Variants in ERLIN2 observed in about 807,000 individuals in gnomAD.
The protein encoded by ERLIN2 is erlin-2.
Under a neutral mutation model 41.5 loss-of-function variants are expected in ERLIN2, and 22 were observed. That is an observed-to-expected ratio of 0.53 (90% CI 0.38 to 0.76). The LOEUF is 0.76. Ranked by LOEUF, ERLIN2 falls within the 30% of genes least tolerant of loss-of-function variation. The pLI is 0.00. For synonymous variants in ERLIN2, 149 were observed against 150.9 expected, an observed-to-expected ratio of 0.99 and a Z score of 0.09; for missense variants, 247 against 414.3, an observed-to-expected ratio of 0.60 and a Z score of 3.51.
intron 6 of ERLIN2, among the ~76,000 whole-genome samples, chr8:37,747,136 A>T (rs112880623): frequency 2.7e-5 from 4 of 147,612 alleles, no homozygotes; most frequent in African/African-American, 1.0e-4. Context: ...CAGAAAAAAA[A>T]TTAGAGAAAA....
chr8:37,747,604 T>A, intron 6 of ERLIN2: 1 of 1,611,916 alleles, frequency 6.2e-7, no homozygotes, highest in Non-Finnish European at 8.5e-7. Context: ...CTCTTGTTTC[T>A]GAGTATATAT....
chr8:37,740,965 T>C (rs755031260), intron 3 of ERLIN2, among the ~76,000 whole-genome samples: 1 of 152,220 alleles, frequency 6.6e-6, no homozygotes. Flanking sequence ...TTTTACACTT[T>C]ACACTGACCC....
Position 37,738,030 on chromosome 8 carries a change from G to A in ERLIN2, c.107+1G>A, listed in dbSNP as rs371427544. 1 of 1,613,996 alleles carries A rather than the reference G, an allele frequency of 6.2e-7. No individual in the cohort carries two copies. The highest frequency in any genetic ancestry group is 8.5e-7 in the Non-Finnish European group (1 of 1,179,978). On this transcript the variant is annotated splice_donor_variant, in intron 2 of 11. Coordinates refer to ENST00000519638, the MANE Select transcript of ERLIN2 (RefSeq NM_007175.8). LOFTEE classifies it high-confidence loss of function. ...AGGGACATATTGGGGTATATTACAG[G>A]TAAGGCAGAGACAGGGAGAAGCCGG...
At chr8:37,743,866 T>A (rs1006298860) in intron 4 of ERLIN2, among the ~76,000 whole-genome samples, 6 of 152,200 alleles carry the variant, frequency 3.9e-5, no homozygotes, top group Non-Finnish European at 8.8e-5. Flanking sequence ...TGGATATGGA[T>A]GTTAGTTATA....
chr8:37,754,471 C>T lies in ERLIN2; in HGVS notation c.*356C>T, dbSNP rs1291934650. On this transcript the variant is annotated 3_prime_UTR_variant, in exon 12 of 12. Coordinates refer to ENST00000519638, the MANE Select transcript of ERLIN2 (RefSeq NM_007175.8). Reference sequence around the variant, plus strand: ...GTTACCTCCAACTCATTTGATTTCCCTTACTTGGGAAAATGCAGTCCAGTG... The same window carrying T: ...GTTACCTCCAACTCATTTGATTTCCTTTACTTGGGAAAATGCAGTCCAGTG... 2 of 341,440 alleles carry T rather than the reference C, an allele frequency of 5.9e-6. No individual in the cohort carries two copies. Among genetic ancestry groups the T allele is most frequent in the Non-Finnish European group, 1.1e-5 (2 of 175,908 alleles). 21.2% of individuals were successfully genotyped at this position (341,440 alleles called of 1,614,324 possible). A position where few individuals can be genotyped will look rare whatever the true frequency, so the allele number is the denominator to read the frequency against.
chr8:37,753,694 C>A (rs546644206), intron 11 of ERLIN2, among the ~76,000 whole-genome samples, 165 bp downstream of exon 11: 1 of 152,182 alleles, frequency 6.6e-6, no homozygotes, highest in African/African-American at 2.4e-5. Context: ...CTTGGACATG[C>A]CTTGATAGAA....
intron 6 of ERLIN2, 132 bp downstream of exon 6, chr8:37,744,828 G>T: frequency 1.0e-6 from 1 of 989,654 alleles, no homozygotes. Context: ...AAAGAATCTT[G>T]TGCTCAGGAG....
chr8:37,753,390 T>C lies in ERLIN2; in HGVS notation c.740-60T>C. 11 of 1,431,224 alleles carry C rather than the reference T, an allele frequency of 7.7e-6. No individual in the cohort carries two copies. In the South Asian group the frequency reaches 1.0e-4, roughly 14 times the overall value. 88.7% of individuals were successfully genotyped at this position (1,431,224 alleles called of 1,614,324 possible). Reference sequence around the variant, plus strand: ...CAGAGTCTTCCCATAGCCTCTGCACTTCCTGCAAAGAACTCAGTTTTAGCA... The same window carrying C: ...CAGAGTCTTCCCATAGCCTCTGCACCTCCTGCAAAGAACTCAGTTTTAGCA... On this transcript the variant is annotated intron_variant, in intron 10 of 11. Transcript: ENST00000519638.
intron 2 of ERLIN2, among the ~76,000 whole-genome samples, 165 bp downstream of exon 2, chr8:37,738,194 T>TAC (rs748029411): frequency 2.6e-5 from 4 of 152,142 alleles, no homozygotes; most frequent in Non-Finnish European, 4.4e-5. Context: ...GGAAAGAGAA[T>TAC]ACACACACAC....
intron 9 of ERLIN2, among the ~76,000 whole-genome samples, chr8:37,750,826 A>G (rs1198779406): frequency 1.3e-5 from 2 of 151,898 alleles, no homozygotes; most frequent in Non-Finnish European, 2.9e-5. Flanking sequence ...GGTTCAAGTG[A>G]TTCTCCTGTC....
rs561525438 is a variant in ERLIN2, at chr8:37,757,798, G to A, written c.*3683G>A. The A allele has an allele frequency of 1.3e-5, 2 of 152,112 alleles. No individual in the cohort carries two copies. The highest frequency in any genetic ancestry group is 6.5e-5 in the Admixed American group (1 of 15,272). 9.4% of individuals were successfully genotyped at this position (152,112 alleles called of 1,614,324 possible). On this transcript the variant is annotated 3_prime_UTR_variant, in exon 12 of 12. Coordinates refer to ENST00000519638, the MANE Select transcript of ERLIN2 (RefSeq NM_007175.8). ...CAGATGAAAATCTATCCCCATTATC[G>A]ATACAGAATTTGTGAACGTGGCATA...
chr8:37,738,608 G>A (rs530051602), intron 2 of ERLIN2, among the ~76,000 whole-genome samples: 2 of 152,230 alleles, frequency 1.3e-5, no homozygotes, highest in East Asian at 1.9e-4. Context: ...TTAATTGGCC[G>A]GCTGTGGTGT....
At chr8:37,750,596 C>G in intron 9 of ERLIN2, 110 bp downstream of exon 9, 1 of 876,050 alleles carries the variant, frequency 1.1e-6, no homozygotes, top group African/African-American at 1.6e-5. Context: ...CAAACCACTT[C>G]CACAGCACAG....
rs1021078294 is a variant in ERLIN2 at position 37,745,631 on chromosome 8, A to C, written c.424+935A>C. The C allele has an allele frequency of 3.7e-6, 6 of 1,613,964 alleles. No individual in the cohort carries two copies. The East Asian group carries it at 1.3e-4, about 36-fold the overall frequency. On this transcript the variant is annotated intron_variant, in intron 6 of 11. Coordinates refer to ENST00000519638, the MANE Select transcript of ERLIN2 (RefSeq NM_007175.8). ...GGGACCCTGAGCAAGAACATTTTTC[A>C]TAGCAGACAGGAGGACTCATCCACA... is the stretch of plus-strand genomic sequence containing the variant.
Position 37,738,035 on chromosome 8 carries a change from G to T in ERLIN2, c.107+6G>T. 6.2e-7 allele frequency: 1 copy of T among 1,614,120 alleles called. No individual in the cohort carries two copies. Among genetic ancestry groups the T allele is most frequent in the Non-Finnish European group, 8.5e-7 (1 of 1,179,970 alleles). ...CATATTGGGGTATATTACAGGTAAGGCAGAGACAGGGAGAAGCCGGCAACT... is the reference window on the plus strand; with the variant it reads ...CATATTGGGGTATATTACAGGTAAGTCAGAGACAGGGAGAAGCCGGCAACT... On this transcript the variant is annotated splice_donor_region_variant and intron_variant, in intron 2 of 11. Coordinates refer to ENST00000519638, the MANE Select transcript of ERLIN2 (RefSeq NM_007175.8).
intron 1 of ERLIN2, chr8:37,737,607 AG>A (rs2129640328): frequency 2.5e-6 from 1 of 403,894 alleles, no homozygotes; most frequent in African/African-American, 2.0e-5. Flanking sequence ...TCGTGTTCAC[AG>A]GAAGACAAGG....
rs936832718 is a variant in ERLIN2, at chr8:37,736,790, G to A, written c.-16+112G>A. ...TCCCAGCAGCTTCTCTCCCTCAGCC[G>A]GCCCGCTCCTGGAGAGAGACAGAAA... On this transcript the variant is annotated intron_variant, in intron 1 of 11. Coordinates refer to ENST00000519638, the MANE Select transcript of ERLIN2 (RefSeq NM_007175.8). 2.6e-5 allele frequency: 26 copies of A among 985,918 alleles called. No individual in the cohort carries two copies. The African/African-American group carries it at 3.1e-4, about 12-fold the overall frequency. The allele number at this position is 985,918 out of a possible 1,614,324, so 61.1% of individuals were successfully genotyped here.
In ERLIN2 at chr8:37,746,434, A is replaced by T. The variant is rs190457718; in HGVS notation, c.424+1738A>T. 3.3e-4 allele frequency: 330 copies of T among 985,416 alleles called. No individual in the cohort carries two copies. In the African/African-American group the frequency reaches 4.9e-3, roughly 15 times the overall value. The allele number at this position is 985,416 out of a possible 1,614,324, so 61.0% of individuals were successfully genotyped here. On this transcript the variant is annotated intron_variant, in intron 6 of 11. Coordinates refer to ENST00000519638, the MANE Select transcript of ERLIN2 (RefSeq NM_007175.8). ...TTTTAATACAGTTGAATGGATAAAA[A>T]CATGGATACAAACACATGGATATAG...
intron 6 of ERLIN2, 47 bp from the exon 7 acceptor site, chr8:37,749,512 C>A: frequency 7.4e-7 from 1 of 1,353,834 alleles, no homozygotes; most frequent in South Asian, 1.2e-5. Context: ...CCTCCCTCAT[C>A]TAGAAAGTGT....
Sources: allele counts gnomAD v4.1 joint callset (sites outside exome capture counted in the v4.1 genomes callset), GRCh38; gene constraint gnomAD v4.1.1; transcripts MANE v1.5; gene names NCBI Gene and HGNC (gene_info 2026-07-23, HGNC 2026-07-21).